The following SBF2 variants were observed in gnomAD, a reference collection of about 807,000 sequenced individuals.
The protein encoded by SBF2 is SET binding factor 2, also known as myotubularin-related protein 13.
In SBF2, 112 loss-of-function variants were observed where a neutral mutation model predicts 225.2. That is an observed-to-expected ratio of 0.50 (90% CI 0.43 to 0.58). The LOEUF is 0.58. SBF2 is among the 20% of genes least tolerant of loss of function. The pLI is 0.00. For synonymous variants in SBF2, 763 were observed against 773.3 expected (o/e 0.99, Z 0.22); for missense variants, 1,996 against 2,206.2 (o/e 0.90, Z 1.91).
At chr11:10,203,043 C>T (rs1216842004) in intron 1 of SBF2, among the ~76,000 whole-genome samples, 1 of 77,638 alleles carries the variant, frequency 1.3e-5, no homozygotes, top group Non-Finnish European at 2.6e-5. Context: ...AGATGTTTAG[C>T]TGGGGTGGGG....
intron 2 of SBF2, among the ~76,000 whole-genome samples, chr11:10,100,719 T>A (rs1350550443): frequency 6.6e-6 from 1 of 152,072 alleles, no homozygotes; most frequent in East Asian, 1.9e-4. Flanking sequence ...GGGTGTTGGT[T>A]TTTCTGTAGC....
intron 32 of SBF2, among the ~76,000 whole-genome samples, chr11:9,802,161 TAAAAAG>T (rs1590116972): frequency 6.6e-6 from 1 of 152,232 alleles, no homozygotes; most frequent in East Asian, 1.9e-4. Context: ...TATTATATTT[TAAAAAG>T]AAAGTTTACA....
At chr11:9,994,712 T>C (rs865856588) in intron 9 of SBF2, among the ~76,000 whole-genome samples, 3 of 151,858 alleles carry the variant, frequency 2.0e-5, no homozygotes, top group African/African-American at 2.4e-5. Context: ...AAACAGCTGC[T>C]TGTTTTTATG....
chr11:9,784,214 C>T, intron 38 of SBF2, 137 bp downstream of exon 38: 1 of 696,084 alleles, frequency 1.4e-6, no homozygotes, highest in Non-Finnish European at 2.6e-6. Context: ...CCTTGAGGAG[C>T]CTCCAGACTA....
intron 2 of SBF2, among the ~76,000 whole-genome samples, chr11:10,081,556 C>T (rs537714263): frequency 2.0e-5 from 3 of 151,920 alleles, no homozygotes; most frequent in South Asian, 2.1e-4. Context: ...GTCAGGAGAT[C>T]GAGACCATCC....
chr11:9,923,505 T>C (rs1388584214), intron 16 of SBF2, among the ~76,000 whole-genome samples: 1 of 152,222 alleles, frequency 6.6e-6, no homozygotes, highest in Non-Finnish European at 1.5e-5. Flanking sequence ...ACGGCCACTG[T>C]TTACTACATT....
chr11:10,156,934 G>A (rs1268519473), intron 2 of SBF2, among the ~76,000 whole-genome samples: 1 of 152,084 alleles, frequency 6.6e-6, no homozygotes, highest in East Asian at 1.9e-4. Flanking sequence ...AATTCATATG[G>A]AACCAAAAAA....
intron 1 of SBF2, among the ~76,000 whole-genome samples, chr11:10,202,409 A>C (rs1957597525): frequency 6.6e-6 from 1 of 152,210 alleles, no homozygotes; most frequent in African/African-American, 2.4e-5. Context: ...GTCTAGAAAT[A>C]AGCTCTGCAA....
intron 1 of SBF2, among the ~76,000 whole-genome samples, chr11:10,279,707 T>C (rs1283767591): frequency 6.6e-6 from 1 of 152,200 alleles, no homozygotes; most frequent in Non-Finnish European, 1.5e-5. Flanking sequence ...TGGGGTGCAA[T>C]GGCACAATCT....
At chr11:10,074,855 G>A (rs1056096186) in intron 2 of SBF2, among the ~76,000 whole-genome samples, 1 of 152,026 alleles carries the variant, frequency 6.6e-6, no homozygotes, top group Non-Finnish European at 1.5e-5. Flanking sequence ...AATACAATTT[G>A]CTAAATATAG....
At chr11:10,148,153 C>A (rs750814874) in intron 2 of SBF2, among the ~76,000 whole-genome samples, 6 of 152,096 alleles carry the variant, frequency 3.9e-5, no homozygotes, top group Admixed American at 6.6e-5. Context: ...TAACCCAAAT[C>A]TCAATGCCTT....
At chr11:9,946,908 A>C (rs1865596843) in intron 16 of SBF2, among the ~76,000 whole-genome samples, 1 of 152,236 alleles carries the variant, frequency 6.6e-6, no homozygotes, top group Non-Finnish European at 1.5e-5. Context: ...GACAGATATA[A>C]CTGGGATAAG....
intron 1 of SBF2, among the ~76,000 whole-genome samples, chr11:10,290,281 G>A (rs1964080884): frequency 6.6e-6 from 1 of 152,056 alleles, no homozygotes; most frequent in South Asian, 2.1e-4. Flanking sequence ...TGTGGTAGGG[G>A]AAGAGGCAAA....
chr11:9,888,595 C>G (rs187691734), intron 17 of SBF2, among the ~76,000 whole-genome samples: 2 of 151,984 alleles, frequency 1.3e-5, no homozygotes, highest in African/African-American at 4.8e-5. Context: ...CTTGACTTTG[C>G]CCCCTCTAAG....
At chr11:10,274,465 G>A (rs192212888) in intron 1 of SBF2, among the ~76,000 whole-genome samples, 99 of 152,186 alleles carry the variant, frequency 6.5e-4, no homozygotes, top group African/African-American at 2.1e-3. Context: ...GAATTATAAA[G>A]TTTCAGCCAG....
chr11:9,821,488 TC>T (rs1301913383), intron 28 of SBF2, among the ~76,000 whole-genome samples: 1 of 152,172 alleles, frequency 6.6e-6, no homozygotes, highest in Non-Finnish European at 1.5e-5. Context: ...AGAATTCTAA[TC>T]CCATCTGGAA....
chr11:9,982,662 T>A (rs1310869135), intron 13 of SBF2, among the ~76,000 whole-genome samples: 6 of 152,146 alleles, frequency 3.9e-5, no homozygotes. Flanking sequence ...CTAGATCAAC[T>A]GCAAGAACAA....
intron 1 of SBF2, among the ~76,000 whole-genome samples, chr11:10,274,176 A>C (rs1962769272): frequency 6.6e-6 from 1 of 152,254 alleles, no homozygotes; most frequent in African/African-American, 2.4e-5. Flanking sequence ...TCACTGGAGA[A>C]ATAGAAGAAC....
intron 1 of SBF2, among the ~76,000 whole-genome samples, chr11:10,250,002 T>G (rs948929052): frequency 6.6e-6 from 1 of 152,078 alleles, no homozygotes; most frequent in Non-Finnish European, 1.5e-5. Flanking sequence ...TCAGGTTATA[T>G]TTTAGTGAAT....
Sources: gnomAD v4.1 joint callset for allele counts (sites outside exome capture counted in the v4.1 genomes callset) on GRCh38, gnomAD v4.1.1 for gene constraint, MANE v1.5 for transcripts, NCBI Gene and HGNC (gene_info 2026-07-23, HGNC 2026-07-21) for gene names.